The following CHLSN variants were observed in gnomAD, a reference collection of about 807,000 sequenced individuals.
The protein encoded by CHLSN is protein cholesin.
chr7:1,076,360 C>T, the CHLSN span: 3 of 153,996 alleles, frequency 1.9e-5, no homozygotes, highest in African/African-American at 7.2e-5. Context: ...ACCAGATAGG[C>T]TGCAAGGAGC....
At chr7:1,019,244 A>G in the CHLSN span, among the ~76,000 whole-genome samples, 6 of 132,894 alleles carry the variant, frequency 4.5e-5, no homozygotes, top group African/African-American at 8.5e-5. Flanking sequence ...AGGGAGGAAG[A>G]GGGTGAGGGT....
chr7:995,154 C>T, the CHLSN span, among the ~76,000 whole-genome samples: 6 of 152,250 alleles, frequency 3.9e-5, no homozygotes, highest in Non-Finnish European at 7.3e-5. Flanking sequence ...TGTGGCCCGA[C>T]GTGGCTGGCC....
At chr7:984,825 G>T in the CHLSN span, 1 of 1,331,220 alleles carries the variant, frequency 7.5e-7, no homozygotes, top group East Asian at 2.3e-5. Flanking sequence ...GGACGGGAGT[G>T]GGGATGGGGG....
chr7:1,032,846 C>T, the CHLSN span, among the ~76,000 whole-genome samples: 378 of 152,336 alleles, frequency 2.5e-3, no homozygotes, highest in South Asian at 4.6e-3. Flanking sequence ...ATGTGGGCAG[C>T]GCCTCTGCCC....
chr7:1,067,352 C>A, the CHLSN span, among the ~76,000 whole-genome samples: 4 of 42,108 alleles, frequency 9.5e-5, 1 homozygote, highest in Admixed American at 5.3e-4. Context: ...AGTTTTCACA[C>A]AGGCTGCAGT....
At chr7:985,962 T>C in the CHLSN span, among the ~76,000 whole-genome samples, 1 of 151,936 alleles carries the variant, frequency 6.6e-6, no homozygotes, top group Admixed American at 6.6e-5. Flanking sequence ...CTTCCACCCG[T>C]CCTAGCCAGG....
the CHLSN span, among the ~76,000 whole-genome samples, chr7:1,113,296 G>A: frequency 3.3e-5 from 5 of 152,178 alleles, no homozygotes; most frequent in East Asian, 3.9e-4. Flanking sequence ...CGCCCTGATG[G>A]CACTGGCTTG....
At chr7:1,066,452 G>C in the CHLSN span, among the ~76,000 whole-genome samples, 13 of 152,230 alleles carry the variant, frequency 8.5e-5, no homozygotes, top group Admixed American at 8.5e-4. Context: ...CCGGCGGGGG[G>C]CCCTGCTCAA....
At chr7:1,089,388 C>G in the CHLSN span, among the ~76,000 whole-genome samples, 1 of 152,128 alleles carries the variant, frequency 6.6e-6, no homozygotes, top group Non-Finnish European at 1.5e-5. Context: ...TGGGGCCTCA[C>G]TGCAGTAGCT....
At chr7:1,108,862 C>G in the CHLSN span, among the ~76,000 whole-genome samples, 1 of 151,340 alleles carries the variant, frequency 6.6e-6, no homozygotes, top group South Asian at 2.1e-4. Context: ...ATTAACTATG[C>G]TAGAAAATTC....
At chr7:987,350 G>T in the CHLSN span, 24 of 1,576,288 alleles carry the variant, frequency 1.5e-5, no homozygotes, top group South Asian at 2.7e-4. Context: ...GCCCCAGGCC[G>T]GGTGCAGGAG....
chr7:1,060,382 G>T, the CHLSN span, among the ~76,000 whole-genome samples: 1 of 152,190 alleles, frequency 6.6e-6, no homozygotes, highest in African/African-American at 2.4e-5. Flanking sequence ...GAAGACGGGC[G>T]ATGTGGCTGT....
the CHLSN span, among the ~76,000 whole-genome samples, chr7:1,064,336 T>A: frequency 1.3e-5 from 2 of 152,060 alleles, no homozygotes; most frequent in African/African-American, 4.8e-5. Context: ...GCTCCACTCT[T>A]GGAAGCAGAT....
At chr7:1,125,833 G>A in the CHLSN span, among the ~76,000 whole-genome samples, 2 of 152,312 alleles carry the variant, frequency 1.3e-5, no homozygotes, top group South Asian at 2.1e-4. Context: ...ACGATGTGAC[G>A]CGCGCGTCGT....
chr7:1,060,370 C>G, the CHLSN span, among the ~76,000 whole-genome samples: 3 of 152,196 alleles, frequency 2.0e-5, no homozygotes, highest in African/African-American at 7.2e-5. Context: ...CCCACCCCTT[C>G]TGAAGACGGG....
At chr7:981,186 C>T in the CHLSN span, among the ~76,000 whole-genome samples, 2 of 151,740 alleles carry the variant, frequency 1.3e-5, no homozygotes, top group African/African-American at 4.8e-5. Context: ...ATCCCAGCTA[C>T]CCGGGAGGCT....
the CHLSN span, among the ~76,000 whole-genome samples, chr7:1,004,580 G>C: frequency 6.6e-6 from 1 of 152,172 alleles, no homozygotes; most frequent in Non-Finnish European, 1.5e-5. Context: ...CACCACCGAA[G>C]ATGAGCCGTC....
At chr7:1,009,821 G>A in the CHLSN span, 2 of 818,894 alleles carry the variant, frequency 2.4e-6, no homozygotes, top group South Asian at 1.9e-5. Flanking sequence ...GCACAGGCCT[G>A]GCATGAACGC....
the CHLSN span, chr7:1,057,886 G>A: frequency 1.3e-6 from 1 of 776,926 alleles, no homozygotes; most frequent in East Asian, 2.4e-5. Flanking sequence ...GCCCTGCTGA[G>A]CCTCGACCAC....
Sources: allele counts gnomAD v4.1 joint callset (sites outside exome capture counted in the v4.1 genomes callset), GRCh38; gene constraint gnomAD v4.1.1; transcripts MANE v1.5; gene names NCBI Gene and HGNC (gene_info 2026-07-23, HGNC 2026-07-21).